Variants in KCNT1 observed in about 807,000 individuals in gnomAD.
KCNT1 encodes the protein potassium sodium-activated channel subfamily T member 1, also known as potassium channel subfamily T member 1.
A neutral mutation model predicts 147.8 loss-of-function variants in KCNT1; 78 were observed. That is an observed-to-expected ratio of 0.53 (90% CI 0.44 to 0.64). The LOEUF is 0.64. Among genes scored for constraint, KCNT1 ranks in the 30% least tolerant of loss-of-function variants. The probability of loss-of-function intolerance (pLI) is 0.00; values close to 1 mark genes in which losing one functional copy is unlikely to be tolerated. For synonymous variants in KCNT1, 867 were observed against 748.8 expected (o/e 1.16, Z -2.58); for missense variants, 1,419 against 1,750.3 (o/e 0.81, Z 3.38).
intron 2 of KCNT1, among the ~76,000 whole-genome samples, chr9:135,744,764 A>G (rs1330664000): frequency 1.3e-5 from 2 of 152,210 alleles, no homozygotes; most frequent in Non-Finnish European, 2.9e-5. Flanking sequence ...CTCAGGGACC[A>G]AGGCCTCACC....
At chr9:135,722,215 A>G (rs1395142332) in intron 2 of KCNT1, among the ~76,000 whole-genome samples, 1 of 152,118 alleles carries the variant, frequency 6.6e-6, no homozygotes, top group Admixed American at 6.5e-5. Flanking sequence ...GGCTCCCCCA[A>G]ACACACCCCC....
rs569868261 is a variant in KCNT1, at chr9:135,785,479, C to A, written c.3177+149C>A. 762 of 964,496 alleles carry A rather than the reference C, an allele frequency of 7.9e-4. 3 individuals are homozygous for A. In the African/African-American group the frequency reaches 0.011, roughly 14 times the overall value. The allele number at this position is 964,496 out of a possible 1,614,324, so 59.7% of individuals were successfully genotyped here. Reference sequence around the variant, plus strand: ...GGAGCGGGTCCCACGGATGTGTCGGCCCCAGCACGGCTCAGAGAAGGCTGT... The same window carrying A: ...GGAGCGGGTCCCACGGATGTGTCGGACCCAGCACGGCTCAGAGAAGGCTGT... On this transcript the variant is annotated intron_variant, in intron 28 of 30. Coordinates refer to ENST00000371757, the MANE Select transcript of KCNT1 (RefSeq NM_020822.3).
At chr9:135,712,126 C>T (rs117884638) in intron 1 of KCNT1, among the ~76,000 whole-genome samples, 4,446 of 152,220 alleles carry the variant, frequency 0.029, 104 homozygotes, top group South Asian at 0.074. Context: ...AGAGGAGCAG[C>T]GGGGTGCTCT....
chr9:135,725,619 AG>A (rs1470865427), intron 2 of KCNT1, among the ~76,000 whole-genome samples: 1 of 152,090 alleles, frequency 6.6e-6, no homozygotes, highest in Non-Finnish European at 1.5e-5. Context: ...TGTGGTATTG[AG>A]CCCCAGGACA....
chr9:135,776,825 G>A (rs144531709), intron 20 of KCNT1, among the ~76,000 whole-genome samples: 29 of 152,328 alleles, frequency 1.9e-4, no homozygotes, highest in East Asian at 5.8e-4. Context: ...CTTCTGACAC[G>A]ATCCCCTCAC....
chr9:135,739,118 C>A (rs113895993), intron 2 of KCNT1, among the ~76,000 whole-genome samples: 1 of 152,094 alleles, frequency 6.6e-6, no homozygotes, highest in Non-Finnish European at 1.5e-5. Context: ...CGGGGCCGTT[C>A]CCCCAGCCCC....
chr9:135,755,305 A>G (rs1398181646), intron 6 of KCNT1, 136 bp downstream of exon 6: 3 of 637,238 alleles, frequency 4.7e-6, no homozygotes, highest in Non-Finnish European at 7.5e-6. Flanking sequence ...AATGCTAAGA[A>G]CAAACCCAGG....
intron 24 of KCNT1, among the ~76,000 whole-genome samples, 187 bp downstream of exon 24, chr9:135,779,657 A>G (rs1353767189): frequency 6.6e-6 from 1 of 152,114 alleles, no homozygotes; most frequent in African/African-American, 2.4e-5. Flanking sequence ...GAACCAGGAG[A>G]TGGAGGCAGG....
At chr9:135,710,747 A>T (rs1412747755) in intron 1 of KCNT1, among the ~76,000 whole-genome samples, 1 of 152,212 alleles carries the variant, frequency 6.6e-6, no homozygotes, top group Non-Finnish European at 1.5e-5. Flanking sequence ...TCTTGCACGT[A>T]TAGTCTTCAG....
intron 1 of KCNT1, among the ~76,000 whole-genome samples, chr9:135,704,741 C>T (rs1381699182): frequency 6.6e-6 from 1 of 152,240 alleles, no homozygotes; most frequent in African/African-American, 2.4e-5. Context: ...GGCATCCTGC[C>T]AGGGTACATG....
intron 1 of KCNT1, among the ~76,000 whole-genome samples, chr9:135,705,862 CCTT>C (rs558606701): frequency 6.6e-6 from 1 of 151,794 alleles, no homozygotes; most frequent in Non-Finnish European, 1.5e-5. Flanking sequence ...GGAAGGCCCT[CCTT>C]GAGAGGGGGC....
In KCNT1 at chr9:135,709,603, AATT is replaced by A. The variant is rs551532463; in HGVS notation, c.111-4969_111-4967del. Among the ~76,000 whole-genome samples, 583 of 152,194 alleles carry A rather than the reference AATT, an allele frequency of 3.8e-3. 3 individuals carry two copies. Among genetic ancestry groups the A allele is most frequent in the African/African-American group, 0.013 (553 of 41,536 alleles). On this transcript the variant is annotated intron_variant, in intron 1 of 30. Transcript: ENST00000371757. ...AGACCGTCCAACTCTGCATCTCTCT[AATT>A]ATTAGCTAGGTGGCTTGTCTTTACT... is the stretch of plus-strand genomic sequence containing the variant.
chr9:135,779,401 T>G lies in KCNT1; in HGVS notation c.2772T>G (p.Pro924=). Reference sequence around the variant, plus strand: ...GCATCACCACGGAGCTCACCCACCCTTCCAACATGCGCTTCATGCAGTTCC... The same window carrying G: ...GCATCACCACGGAGCTCACCCACCCGTCCAACATGCGCTTCATGCAGTTCC... ...SLSITTELTH[P]SNMRFMQFRA... The change falls in exon 24 of 31, where the codon CCT becomes CCG. Residue 924 remains proline, a synonymous_variant. Coordinates refer to ENST00000371757, the MANE Select transcript of KCNT1 (RefSeq NM_020822.3). The G allele has an allele frequency of 6.2e-7, 1 of 1,613,844 alleles. No homozygotes were observed. The highest frequency in any genetic ancestry group is 1.1e-5 in the South Asian group (1 of 91,072).
chr9:135,703,490 G>C (rs1198344771), intron 1 of KCNT1, among the ~76,000 whole-genome samples: 1 of 152,224 alleles, frequency 6.6e-6, no homozygotes, highest in Non-Finnish European at 1.5e-5. Context: ...CTGGCACCCG[G>C]GGGAGTCCGG....
chr9:135,742,688 C>A, intron 2 of KCNT1: 1 of 714,710 alleles, frequency 1.4e-6, no homozygotes, highest in Non-Finnish European at 2.6e-6. Context: ...CTGCCTTCTC[C>A]ATCCGTCCGT....
Position 135,734,717 on chromosome 9 carries a change from G to A in KCNT1, c.255-15381G>A, listed in dbSNP as rs147745887. Among the ~76,000 whole-genome samples, 586 of 152,296 alleles carry A rather than the reference G, an allele frequency of 3.8e-3. 3 individuals carry two copies. Among genetic ancestry groups the A allele is most frequent in the African/African-American group, 0.013 (540 of 41,566 alleles). ...GAGCAGCCGCCCCGGGTGGGCGCGCGCGTTTGCCTCCTGCGTGAGGCTTCC... is the reference window on the plus strand; with the variant it reads ...GAGCAGCCGCCCCGGGTGGGCGCGCACGTTTGCCTCCTGCGTGAGGCTTCC... On this transcript the variant is annotated intron_variant, in intron 2 of 30. Transcript: ENST00000371757.
intron 2 of KCNT1, among the ~76,000 whole-genome samples, chr9:135,716,230 G>A (rs1478184437): frequency 3.9e-5 from 6 of 152,186 alleles, no homozygotes; most frequent in Non-Finnish European, 8.8e-5. Flanking sequence ...TTCCGATATT[G>A]GGCAGGAAGT....
chr9:135,788,050 A>T, intron 29 of KCNT1: 6 of 1,288,118 alleles, frequency 4.7e-6, no homozygotes, highest in Non-Finnish European at 6.8e-6. Context: ...GCTTGCTGAT[A>T]TTCTCTCTCT....
chr9:135,786,444 GGC>G lies in KCNT1; in HGVS notation c.3428_3429del (p.Arg1143LeufsTer2). 6.3e-7 allele frequency: 1 copy of G among 1,597,554 alleles called. No individual in the cohort carries two copies. Among genetic ancestry groups the G allele is most frequent in the Non-Finnish European group, 8.5e-7 (1 of 1,173,316 alleles). ...AGCCAGCAGCGCCTCAGCCTGTACC[GGC>G]GCTCTGAGCGCCAGGAGCTCTCCGA... On this transcript the variant is annotated frameshift_variant, in exon 29 of 31. Transcript: ENST00000371757. LOFTEE classifies it high-confidence loss of function.
Sources: gnomAD v4.1 joint callset for allele counts (sites outside exome capture counted in the v4.1 genomes callset) on GRCh38, gnomAD v4.1.1 for gene constraint, MANE v1.5 for transcripts, NCBI Gene and HGNC (gene_info 2026-07-23, HGNC 2026-07-21) for gene names.